Variants in MACROD2 observed in about 807,000 individuals in gnomAD.
The protein encoded by MACROD2 is mono-ADP ribosylhydrolase 2.
Under a neutral mutation model 70.4 loss-of-function variants are expected in MACROD2, and 36 were observed. The observed-to-expected ratio is 0.51, with a 90% CI of 0.39 to 0.68. MACROD2 has a LOEUF of 0.68. Ranked by LOEUF, MACROD2 falls within the 30% of genes least tolerant of loss-of-function variation. The pLI is 0.00. For missense variants in MACROD2, 496 were observed against 538.4 expected (o/e 0.92, Z 0.78); for synonymous variants, 172 against 178.8 (o/e 0.96, Z 0.30).
At chr20:15,126,677 A>AG (rs2076069549) in intron 5 of MACROD2, among the ~76,000 whole-genome samples, 1 of 152,110 alleles carries the variant, frequency 6.6e-6, no homozygotes, top group South Asian at 2.1e-4. Flanking sequence ...GAAGATATGT[A>AG]GTACCACATA....
chr20:15,124,465 A>G (rs1445155604), intron 5 of MACROD2, among the ~76,000 whole-genome samples: 1 of 151,786 alleles, frequency 6.6e-6, no homozygotes, highest in Non-Finnish European at 1.5e-5. Context: ...TATGAAATGC[A>G]TATAGATTAA....
chr20:14,707,068 T>A (rs940903906), intron 5 of MACROD2, among the ~76,000 whole-genome samples: 1 of 152,164 alleles, frequency 6.6e-6, no homozygotes, highest in South Asian at 2.1e-4. Flanking sequence ...GTTGTCAGGA[T>A]TGAAAGAACA....
chr20:14,614,065 T>A (rs1162821686), intron 4 of MACROD2, among the ~76,000 whole-genome samples: 1 of 152,150 alleles, frequency 6.6e-6, no homozygotes, highest in Non-Finnish European at 1.5e-5. Flanking sequence ...CAAATTAGTT[T>A]ACTTTTCATG....
chr20:15,647,925 G>T (rs1600710519), intron 8 of MACROD2, among the ~76,000 whole-genome samples: 1 of 152,056 alleles, frequency 6.6e-6, no homozygotes, highest in South Asian at 2.1e-4. Context: ...CACCATGTTG[G>T]CCAGGCTGTT....
chr20:16,002,857 C>G (rs990418005), intron 15 of MACROD2, among the ~76,000 whole-genome samples: 1 of 152,150 alleles, frequency 6.6e-6, no homozygotes, highest in Non-Finnish European at 1.5e-5. Flanking sequence ...TTAGAACACT[C>G]CTTTTGAAAA....
chr20:15,642,815 G>T (rs187886351), intron 8 of MACROD2, among the ~76,000 whole-genome samples: 1 of 151,986 alleles, frequency 6.6e-6, no homozygotes, highest in East Asian at 1.9e-4. Context: ...CTGCCTTCAC[G>T]TTCCTCTCTG....
At chr20:15,984,760 T>C (rs2066454165) in intron 13 of MACROD2, among the ~76,000 whole-genome samples, 1 of 152,214 alleles carries the variant, frequency 6.6e-6, no homozygotes, top group South Asian at 2.1e-4. Flanking sequence ...ACTTCACTTT[T>C]GTTGAAAACC....
intron 12 of MACROD2, among the ~76,000 whole-genome samples, chr20:15,952,491 C>G (rs1394783354): frequency 6.6e-6 from 1 of 151,968 alleles, no homozygotes; most frequent in Admixed American, 6.6e-5. Context: ...CTAGTGTAGA[C>G]CACTCTAGAC....
At chr20:14,680,453 A>C (rs541774871) in intron 4 of MACROD2, among the ~76,000 whole-genome samples, 1 of 152,144 alleles carries the variant, frequency 6.6e-6, no homozygotes, top group Non-Finnish European at 1.5e-5. Flanking sequence ...GCATTAAGGG[A>C]TTTATCATAG....
intron 3 of MACROD2, among the ~76,000 whole-genome samples, chr20:14,471,139 G>C (rs13036861): frequency 0.15 from 22,740 of 152,138 alleles, 2,413 homozygotes; most frequent in Non-Finnish European, 0.22. Flanking sequence ...CTGTCCCTCA[G>C]GGCACAATCC....
intron 3 of MACROD2, among the ~76,000 whole-genome samples, chr20:14,293,403 G>T (rs1221364435): frequency 6.6e-6 from 1 of 151,782 alleles, no homozygotes; most frequent in Non-Finnish European, 1.5e-5. Context: ...GGCTGTGGGT[G>T]CCTTATATTA....
At chr20:14,118,118 A>T (rs1026672812) in intron 3 of MACROD2, among the ~76,000 whole-genome samples, 1 of 152,198 alleles carries the variant, frequency 6.6e-6, no homozygotes, top group Non-Finnish European at 1.5e-5. Flanking sequence ...GCAATTTGTT[A>T]TACAGCAATA....
intron 8 of MACROD2, among the ~76,000 whole-genome samples, chr20:15,606,397 C>A (rs2048893530): frequency 6.6e-6 from 1 of 152,038 alleles, no homozygotes; most frequent in African/African-American, 2.4e-5. Context: ...CTGTTTTTTT[C>A]TTCTTCAGTT....
intron 4 of MACROD2, among the ~76,000 whole-genome samples, chr20:14,560,131 A>G (rs895179861): frequency 6.6e-6 from 1 of 151,886 alleles, no homozygotes; most frequent in Non-Finnish European, 1.5e-5. Flanking sequence ...AGGGGACAAG[A>G]ACTTGCTATC....
chr20:14,944,552 A>G (rs1485969430), intron 5 of MACROD2, among the ~76,000 whole-genome samples: 5 of 152,120 alleles, frequency 3.3e-5, no homozygotes, highest in Non-Finnish European at 7.4e-5. Context: ...ATGCAATGAA[A>G]AGGAGAAACC....
At chr20:15,233,965 ATT>A (rs138948728) in intron 6 of MACROD2, among the ~76,000 whole-genome samples, 6,796 of 46,360 alleles carry the variant, frequency 0.15, 757 homozygotes, top group Non-Finnish European at 0.2. Context: ...CAAAAAATTT[ATT>A]TTTATATATA....
intron 4 of MACROD2, among the ~76,000 whole-genome samples, chr20:14,507,429 G>T (rs182889007): frequency 4.7e-4 from 72 of 152,278 alleles, no homozygotes; most frequent in Non-Finnish European, 9.0e-4. Flanking sequence ...CAAGGTTTCT[G>T]TTTGGGAAGA....
At chr20:15,080,305 T>TAA (rs2075693612) in intron 5 of MACROD2, among the ~76,000 whole-genome samples, 1 of 152,086 alleles carries the variant, frequency 6.6e-6, no homozygotes, top group Non-Finnish European at 1.5e-5. Context: ...ACACACTTGT[T>TAA]AAAGTCAATG....
At chr20:14,462,414 A>T (rs1425667054) in intron 3 of MACROD2, among the ~76,000 whole-genome samples, 1 of 151,856 alleles carries the variant, frequency 6.6e-6, no homozygotes, top group Non-Finnish European at 1.5e-5. Context: ...GTTTGAGTTC[A>T]TTGTAGATTC....
Sources: allele counts gnomAD v4.1 joint callset (sites outside exome capture counted in the v4.1 genomes callset), GRCh38; gene constraint gnomAD v4.1.1; transcripts MANE v1.5; gene names NCBI Gene and HGNC (gene_info 2026-07-23, HGNC 2026-07-21).